The following GSTCD variants were observed in gnomAD, a reference collection of about 807,000 sequenced individuals.
The protein encoded by GSTCD is glutathione S-transferase C-terminal domain-containing protein.
In GSTCD, 44 loss-of-function variants were observed where a neutral mutation model predicts 68.3. The ratio of observed to expected loss-of-function variants is 0.64; its 90% CI spans 0.51 to 0.83. The LOEUF (loss-of-function observed/expected upper bound fraction) is 0.83. Ranked by LOEUF, GSTCD falls within the 40% of genes least tolerant of loss-of-function variation. The pLI is 0.00. For synonymous variants in GSTCD, 273 were observed against 255.2 expected, an observed-to-expected ratio of 1.07 and a Z score of -0.67; for missense variants, 739 against 735.9, an observed-to-expected ratio of 1.00 and a Z score of -0.05.
At chr4:105,720,500 C>T (rs1452975410) in intron 3 of GSTCD, among the ~76,000 whole-genome samples, 2 of 152,168 alleles carry the variant, frequency 1.3e-5, no homozygotes, top group Non-Finnish European at 2.9e-5. Flanking sequence ...CAAGTAAACT[C>T]GGCAGTATTC....
At chr4:105,786,484 T>C (rs1191718244) in intron 5 of GSTCD, among the ~76,000 whole-genome samples, 1 of 148,784 alleles carries the variant, frequency 6.7e-6, no homozygotes, top group African/African-American at 2.5e-5. Flanking sequence ...CACTGCACTC[T>C]GCCCTGGGCA....
At chr4:105,774,284 T>C (rs998830380) in intron 5 of GSTCD, among the ~76,000 whole-genome samples, 1 of 152,234 alleles carries the variant, frequency 6.6e-6, no homozygotes, top group Admixed American at 6.5e-5. Context: ...TAGAGCACAC[T>C]GATGGGTCTT....
chr4:105,740,346 G>A (rs571066267), intron 5 of GSTCD, among the ~76,000 whole-genome samples: 6 of 152,016 alleles, frequency 3.9e-5, no homozygotes, highest in South Asian at 4.2e-4. Context: ...CTTTCCCCAC[G>A]GGGAGAGTTC....
intron 3 of GSTCD, among the ~76,000 whole-genome samples, chr4:105,721,800 C>T (rs563947541): frequency 7.8e-4 from 118 of 152,080 alleles, no homozygotes; most frequent in Admixed American, 4.1e-3. Context: ...AGGGGCCTGA[C>T]GATACCCTCT....
intron 5 of GSTCD, among the ~76,000 whole-genome samples, chr4:105,791,120 A>G (rs1413229115): frequency 2.0e-5 from 3 of 151,984 alleles, no homozygotes; most frequent in Non-Finnish European, 4.4e-5. Context: ...CTGGCCGGGC[A>G]CGGTGGTTCA....
At chr4:105,839,374 GC>G (rs1724247495) in intron 10 of GSTCD, among the ~76,000 whole-genome samples, 1 of 152,170 alleles carries the variant, frequency 6.6e-6, no homozygotes, top group Non-Finnish European at 1.5e-5. Flanking sequence ...AGTGGCTCAC[GC>G]CTGTAAACCC....
chr4:105,777,590 C>T (rs1463786460), intron 5 of GSTCD, among the ~76,000 whole-genome samples: 2 of 152,150 alleles, frequency 1.3e-5, no homozygotes, highest in African/African-American at 4.8e-5. Flanking sequence ...TTTTCTCCTC[C>T]ATGAGACTGC....
chr4:105,735,005 A>G (rs1435768791), intron 5 of GSTCD, among the ~76,000 whole-genome samples: 1 of 152,146 alleles, frequency 6.6e-6, no homozygotes, highest in Admixed American at 6.5e-5. Flanking sequence ...AATATTGTTG[A>G]ACAGCAAATG....
intron 5 of GSTCD, among the ~76,000 whole-genome samples, chr4:105,739,810 A>C (rs1385011941): frequency 6.6e-6 from 1 of 152,178 alleles, no homozygotes; most frequent in Non-Finnish European, 1.5e-5. Flanking sequence ...CCTTAGAGGC[A>C]GTGTGCAGCT....
At chr4:105,786,314 A>G (rs902381558) in intron 5 of GSTCD, among the ~76,000 whole-genome samples, 4 of 151,916 alleles carry the variant, frequency 2.6e-5, no homozygotes, top group Non-Finnish European at 4.4e-5. Flanking sequence ...AGTTCGAGAC[A>G]ACCTTGGTCA....
At chr4:105,747,164 A>G (rs1471215737) in intron 5 of GSTCD, among the ~76,000 whole-genome samples, 2 of 152,384 alleles carry the variant, frequency 1.3e-5, no homozygotes, top group East Asian at 1.9e-4. Context: ...AAGGCAAGGG[A>G]TGCTAAAAGT....
intron 9 of GSTCD, among the ~76,000 whole-genome samples, chr4:105,835,247 T>C (rs976231014): frequency 6.6e-6 from 1 of 152,140 alleles, no homozygotes; most frequent in Non-Finnish European, 1.5e-5. Context: ...CTTGGGCCCA[T>C]TGGGCTCACT....
chr4:105,709,655 C>G lies in GSTCD; in HGVS notation c.-22+639C>G, dbSNP rs116536772. On this transcript the variant is annotated intron_variant, in intron 1 of 11. Transcript: ENST00000515279. ...TCTACCTGGTTTTGGGATGAGATGA[C>G]TTGTTTTTTTCCCCTTTATTCTTAA... is the stretch of plus-strand genomic sequence containing the variant. Among the ~76,000 whole-genome samples the G allele has an allele frequency of 3.9e-3, 595 of 152,256 alleles. 5 individuals are homozygous for G. Among genetic ancestry groups the G allele is most frequent in the African/African-American group, 0.014 (574 of 41,560 alleles).
intron 5 of GSTCD, among the ~76,000 whole-genome samples, chr4:105,739,611 G>A (rs1281608798): frequency 6.6e-6 from 1 of 152,170 alleles, no homozygotes; most frequent in Admixed American, 6.5e-5. Flanking sequence ...GCAGTTGGTG[G>A]CCAATGTACT....
At chr4:105,736,114 A>G (rs895040849) in intron 5 of GSTCD, among the ~76,000 whole-genome samples, 1 of 152,110 alleles carries the variant, frequency 6.6e-6, no homozygotes, top group Admixed American at 6.5e-5. Context: ...AATTTTTTAA[A>G]CATAGTTATT....
intron 10 of GSTCD, chr4:105,840,326 G>A (rs1291879939): frequency 1.7e-5 from 6 of 343,104 alleles, no homozygotes; most frequent in African/African-American, 8.4e-5. Context: ...GTTGATGCCT[G>A]TTAGTTTGTG....
At chr4:105,733,521 A>C (rs192389681) in intron 5 of GSTCD, among the ~76,000 whole-genome samples, 2 of 151,736 alleles carry the variant, frequency 1.3e-5, no homozygotes, top group Admixed American at 1.3e-4. Context: ...CCTGCCTTCT[A>C]TTGTTTTCTG....
chr4:105,791,190 G>C (rs1376372232), intron 5 of GSTCD, among the ~76,000 whole-genome samples: 2 of 151,828 alleles, frequency 1.3e-5, no homozygotes, highest in Non-Finnish European at 2.9e-5. Flanking sequence ...TCAGAAGATC[G>C]AGACCATTCT....
At chr4:105,794,823 TTATCTATCTATCTATTTATCTATCTATC>T (rs1426332897) in intron 5 of GSTCD, among the ~76,000 whole-genome samples, 3,608 of 139,992 alleles carry the variant, frequency 0.026, 108 homozygotes, top group African/African-American at 0.075. Context: ...ATTTCTGCTT[TTATCTATCTATCTATTTATCTATCTATC>T]TATCTATCTA....
Sources: gnomAD v4.1 joint callset for allele counts (sites outside exome capture counted in the v4.1 genomes callset) on GRCh38, gnomAD v4.1.1 for gene constraint, MANE v1.5 for transcripts, NCBI Gene and HGNC (gene_info 2026-07-23, HGNC 2026-07-21) for gene names.